ACYP2: variants seen among roughly 807,000 people sequenced by gnomAD.
The protein encoded by ACYP2 is acylphosphatase 2, also known as acylphosphatase-2.
In ACYP2, 12 loss-of-function variants were observed where a neutral mutation model predicts 11.2. The observed-to-expected ratio is 1.08, with a 90% CI of 0.69 to 1.74. The LOEUF is 1.74. ACYP2 is among the 40% of genes most tolerant of loss of function. The probability of loss-of-function intolerance (pLI) is 0.00; values close to 1 mark genes in which losing one functional copy is unlikely to be tolerated. For missense variants in ACYP2, 134 were observed against 101.9 expected, an observed-to-expected ratio of 1.31 and a Z score of -1.35; for synonymous variants, 43 against 32.2, an observed-to-expected ratio of 1.33 and a Z score of -1.13.
intron 6 of ACYP2, among the ~76,000 whole-genome samples, chr2:54,238,454 A>G (rs1261583848): frequency 6.6e-6 from 1 of 152,206 alleles, no homozygotes; most frequent in African/African-American, 2.4e-5. Flanking sequence ...CAGGAAGTAA[A>G]GAAAGTGGAG....
intron 4 of ACYP2, among the ~76,000 whole-genome samples, chr2:54,109,943 T>C (rs1272232066): frequency 6.6e-6 from 1 of 152,186 alleles, no homozygotes; most frequent in African/African-American, 2.4e-5. Context: ...TCAAGTTCTT[T>C]TTCTGTCCCA....
chr2:54,255,870 G>A, intron 6 of ACYP2: 6 of 1,613,992 alleles, frequency 3.7e-6, no homozygotes, highest in Non-Finnish European at 4.2e-6. Context: ...GGCCCTCCGC[G>A]GGTGGTGGAG....
intron 4 of ACYP2, among the ~76,000 whole-genome samples, chr2:54,094,430 T>C (rs1474467390): frequency 1.3e-5 from 2 of 151,678 alleles, no homozygotes; most frequent in African/African-American, 2.4e-5. Flanking sequence ...GGGTTTCACA[T>C]GTTTGCCAGG....
intron 2 of ACYP2, among the ~76,000 whole-genome samples, chr2:54,030,331 G>A (rs1674516927): frequency 6.6e-6 from 1 of 152,170 alleles, no homozygotes; most frequent in Admixed American, 6.6e-5. Context: ...CTGGCACAAG[G>A]AATGTATGAC....
At chr2:54,119,386 T>C (rs1387585858) in intron 4 of ACYP2, among the ~76,000 whole-genome samples, 1 of 151,974 alleles carries the variant, frequency 6.6e-6, no homozygotes, top group Non-Finnish European at 1.5e-5. Flanking sequence ...AAAGAAACAA[T>C]AAAATAAATA....
chr2:54,038,818 GATAA>G (rs1253178482), intron 2 of ACYP2, among the ~76,000 whole-genome samples: 11 of 127,490 alleles, frequency 8.6e-5, no homozygotes, highest in African/African-American at 2.9e-4. Flanking sequence ...AAAAAAAAAA[GATAA>G]ATAAAATAAA....
intron 6 of ACYP2, among the ~76,000 whole-genome samples, chr2:54,158,678 T>C (rs1682553992): frequency 6.6e-6 from 1 of 152,218 alleles, no homozygotes; most frequent in East Asian, 1.9e-4. Flanking sequence ...ATTTAAACTT[T>C]GGATTCACTT....
chr2:54,136,632 G>A (rs1681253765), intron 5 of ACYP2, among the ~76,000 whole-genome samples: 1 of 152,198 alleles, frequency 6.6e-6, no homozygotes, highest in Non-Finnish European at 1.5e-5. Flanking sequence ...GATGTGGAGT[G>A]TAGAGATCTT....
intron 6 of ACYP2, among the ~76,000 whole-genome samples, chr2:54,280,832 GA>G (rs1688816886): frequency 6.6e-6 from 1 of 152,142 alleles, no homozygotes; most frequent in African/African-American, 2.4e-5. Flanking sequence ...TAATCGATAG[GA>G]AGAAAGAGAA....
intron 2 of ACYP2, among the ~76,000 whole-genome samples, chr2:53,982,420 G>A (rs866306228): frequency 6.6e-6 from 1 of 152,110 alleles, no homozygotes; most frequent in East Asian, 1.9e-4. Flanking sequence ...TGTCCCCAGA[G>A]TGCCAAGTCA....
intron 4 of ACYP2, chr2:54,084,711 A>G (rs1572715481): frequency 7.6e-6 from 1 of 131,156 alleles, no homozygotes; most frequent in Non-Finnish European, 1.9e-5. Context: ...AACAATTAAC[A>G]GTATTATTTA....
At chr2:54,188,629 A>G (rs1432854121) in intron 6 of ACYP2, among the ~76,000 whole-genome samples, 1 of 152,248 alleles carries the variant, frequency 6.6e-6, no homozygotes, top group African/African-American at 2.4e-5. Context: ...TAAGATGAAC[A>G]TACATTTCTT....
At chr2:54,025,862 G>T (rs1263981743) in intron 2 of ACYP2, among the ~76,000 whole-genome samples, 1 of 152,160 alleles carries the variant, frequency 6.6e-6, no homozygotes, top group African/African-American at 2.4e-5. Context: ...TTGGGAGGCC[G>T]AGGCAGGAAT....
At chr2:54,186,459 C>G (rs1163866961) in intron 6 of ACYP2, among the ~76,000 whole-genome samples, 1 of 151,860 alleles carries the variant, frequency 6.6e-6, no homozygotes, top group African/African-American at 2.4e-5. Flanking sequence ...AAATATGTAC[C>G]TAGGAAATAA....
chr2:53,983,121 A>G (rs1338235897), intron 2 of ACYP2, among the ~76,000 whole-genome samples: 1 of 152,138 alleles, frequency 6.6e-6, no homozygotes, highest in African/African-American at 2.4e-5. Flanking sequence ...GGGTACCTGG[A>G]CTAGGATGCA....
intron 2 of ACYP2, among the ~76,000 whole-genome samples, chr2:54,002,232 G>C (rs1401146231): frequency 6.6e-6 from 1 of 152,104 alleles, no homozygotes; most frequent in Non-Finnish European, 1.5e-5. Context: ...GACTTTTCCA[G>C]AATGTTATAC....
chr2:54,138,810 T>G (rs1681426195), intron 6 of ACYP2, 62 bp downstream of exon 3: 2 of 1,378,124 alleles, frequency 1.5e-6, no homozygotes, highest in East Asian at 4.8e-5. Flanking sequence ...TTTAGTTTTT[T>G]AAGACATGGT....
Position 54,115,905 on chromosome 2 carries a change from G to GGGGGGT in ACYP2, c.278-19548_278-19547insGGGGGT, listed in dbSNP as rs1447852707. 115 of 1,049,074 alleles carry GGGGGGT rather than the reference G, an allele frequency of 1.1e-4. 2 individuals are homozygous for GGGGGGT. Among genetic ancestry groups the GGGGGGT allele is most frequent in the Middle Eastern group, 7.6e-4 (3 of 3,926 alleles). 65.0% of individuals were successfully genotyped at this position (1,049,074 alleles called of 1,614,324 possible). A position where few individuals can be genotyped will look rare whatever the true frequency, so the allele number is the denominator to read the frequency against. ...TGACACAGCAGCGGCGGCGGGGAGGGAGGCGAAACGCGCATGCGCCCGAGG... is the reference window on the plus strand; with the variant it reads ...TGACACAGCAGCGGCGGCGGGGAGGGGGGGGTAGGCGAAACGCGCATGCGCCCGAGG... On this transcript the variant is annotated intron_variant, in intron 4 of 6. Coordinates refer to ENST00000607452, the MANE Select transcript of ACYP2 (RefSeq NM_001320586.2).
At chr2:54,289,647 T>C (rs572145954) in intron 6 of ACYP2, among the ~76,000 whole-genome samples, 1 of 151,928 alleles carries the variant, frequency 6.6e-6, no homozygotes, top group Non-Finnish European at 1.5e-5. Context: ...CCGAAAAATA[T>C]TGAAATTATA....
Sources: allele counts gnomAD v4.1 joint callset (sites outside exome capture counted in the v4.1 genomes callset), GRCh38; gene constraint gnomAD v4.1.1; transcripts MANE v1.5; gene names NCBI Gene and HGNC (gene_info 2026-07-23, HGNC 2026-07-21).